Variants in GMDS observed in about 807,000 individuals in gnomAD.
The protein encoded by GMDS is GDP-mannose 4,6-dehydratase.
A neutral mutation model predicts 49.9 loss-of-function variants in GMDS; 20 were observed. That is an observed-to-expected ratio of 0.40 (90% confidence interval 0.28 to 0.58). The LOEUF is 0.58. Ranked by LOEUF, GMDS falls within the 20% of genes least tolerant of loss-of-function variation. GMDS has a pLI of 0.42. For synonymous variants in GMDS, 177 were observed against 178.6 expected, an observed-to-expected ratio of 0.99 and a Z score of 0.07; for missense variants, 362 against 481.4, an observed-to-expected ratio of 0.75 and a Z score of 2.32.
intron 6 of GMDS, among the ~76,000 whole-genome samples, chr6:1,958,094 C>T (rs1451739785): frequency 6.7e-6 from 1 of 149,196 alleles, no homozygotes; most frequent in Non-Finnish European, 1.5e-5. Flanking sequence ...ATGTGGGGCA[C>T]TGTGCCTGGC....
intron 9 of GMDS, among the ~76,000 whole-genome samples, chr6:1,688,585 C>T (rs1447184505): frequency 6.6e-6 from 1 of 152,254 alleles, no homozygotes; most frequent in Non-Finnish European, 1.5e-5. Flanking sequence ...AGTCACAAAT[C>T]CACTGCAGCT....
chr6:1,936,627 A>T (rs916875598), intron 6 of GMDS, among the ~76,000 whole-genome samples: 8 of 152,024 alleles, frequency 5.3e-5, no homozygotes, highest in African/African-American at 1.2e-4. Flanking sequence ...CCACACCACA[A>T]CGTTTAGGTC....
At chr6:2,138,155 TACA>T (rs948311819) in intron 1 of GMDS, among the ~76,000 whole-genome samples, 6 of 152,202 alleles carry the variant, frequency 3.9e-5, no homozygotes, top group South Asian at 2.1e-4. Flanking sequence ...CAAAAAAAAT[TACA>T]ACATTTATTT....
chr6:2,192,763 C>G (rs543990526), intron 1 of GMDS, among the ~76,000 whole-genome samples: 19 of 152,320 alleles, frequency 1.2e-4, no homozygotes, highest in African/African-American at 4.6e-4. Context: ...CGCACTCACT[C>G]ACACACGTCT....
At chr6:1,927,093 A>G (rs1762046907) in intron 7 of GMDS, among the ~76,000 whole-genome samples, 1 of 151,052 alleles carries the variant, frequency 6.6e-6, no homozygotes, top group East Asian at 2.0e-4. Context: ...GTGTATTTTT[A>G]TTCAGAGGGT....
intron 9 of GMDS, among the ~76,000 whole-genome samples, chr6:1,703,026 A>T (rs1242710572): frequency 2.6e-5 from 4 of 152,168 alleles, no homozygotes; most frequent in African/African-American, 9.7e-5. Flanking sequence ...TGAACAAAAC[A>T]CACGCCCTGA....
intron 7 of GMDS, among the ~76,000 whole-genome samples, chr6:1,799,302 C>T (rs541005414): frequency 2.6e-5 from 4 of 152,146 alleles, no homozygotes; most frequent in Non-Finnish European, 5.9e-5. Flanking sequence ...TTTAAAACAT[C>T]CAATTTATTA....
At chr6:1,737,735 C>CACACAT (rs375401421) in intron 8 of GMDS, among the ~76,000 whole-genome samples, 2 of 136,980 alleles carry the variant, frequency 1.5e-5, no homozygotes, top group African/African-American at 2.5e-5. Context: ...CAAACACACA[C>CACACAT]ACACATACAC....
chr6:1,919,737 C>T (rs998045878), intron 7 of GMDS, among the ~76,000 whole-genome samples: 1 of 152,104 alleles, frequency 6.6e-6, no homozygotes, highest in African/African-American at 2.4e-5. Context: ...GAACCAAGTC[C>T]CCAGCCTATA....
chr6:1,909,585 C>T (rs1760945585), intron 7 of GMDS, among the ~76,000 whole-genome samples: 1 of 152,108 alleles, frequency 6.6e-6, no homozygotes, highest in Non-Finnish European at 1.5e-5. Flanking sequence ...TCTCCAAGGA[C>T]AATCTGTATT....
intron 4 of GMDS, among the ~76,000 whole-genome samples, chr6:2,103,166 C>T (rs1187513140): frequency 2.8e-4 from 43 of 152,144 alleles, no homozygotes; most frequent in Admixed American, 2.7e-3. Flanking sequence ...CCACCTTATA[C>T]CCTCGCAAAC....
intron 5 of GMDS, among the ~76,000 whole-genome samples, chr6:1,960,188 T>A (rs1763860841): frequency 6.6e-6 from 1 of 152,208 alleles, no homozygotes; most frequent in Non-Finnish European, 1.5e-5. Context: ...ATGCCAACAG[T>A]GCATTATTTG....
At chr6:1,840,753 ACTGGCATGTGACT>A (rs1487280884) in intron 7 of GMDS, among the ~76,000 whole-genome samples, 2 of 152,162 alleles carry the variant, frequency 1.3e-5, no homozygotes, top group African/African-American at 2.4e-5. Context: ...AGGAGCCAAA[ACTGGCATGTGACT>A]CTGCTAGACT....
chr6:2,072,695 A>G (rs1328317563), intron 4 of GMDS, among the ~76,000 whole-genome samples: 2 of 152,226 alleles, frequency 1.3e-5, no homozygotes, highest in Non-Finnish European at 2.9e-5. Context: ...GCCAAGAACA[A>G]CAGGCATTGC....
At chr6:2,134,329 T>C (rs3800163) in intron 1 of GMDS, among the ~76,000 whole-genome samples, 6,203 of 152,332 alleles carry the variant, frequency 0.041, 257 homozygotes, top group South Asian at 0.13. Flanking sequence ...TATTCAACCA[T>C]ATACTTTTTA....
chr6:2,159,233 G>A (rs895852718), intron 1 of GMDS, among the ~76,000 whole-genome samples: 16 of 152,106 alleles, frequency 1.1e-4, no homozygotes, highest in African/African-American at 3.9e-4. Flanking sequence ...AGGAGACAGA[G>A]GGGTACCGAC....
intron 8 of GMDS, among the ~76,000 whole-genome samples, chr6:1,731,956 T>C (rs900259772): frequency 9.8e-5 from 15 of 152,296 alleles, no homozygotes; most frequent in African/African-American, 3.6e-4. Flanking sequence ...AAGTTAGTGA[T>C]AAGTACACAG....
At chr6:1,804,891 T>C (rs1396515124) in intron 7 of GMDS, among the ~76,000 whole-genome samples, 1 of 152,238 alleles carries the variant, frequency 6.6e-6, no homozygotes, top group Admixed American at 6.5e-5. Flanking sequence ...AAGCTCTCAA[T>C]GGAATGTATT....
chr6:1,742,687 A>G (rs964392001), intron 7 of GMDS, 101 bp from the exon 8 acceptor site: 1 of 662,218 alleles, frequency 1.5e-6, no homozygotes, highest in African/African-American at 1.8e-5. Flanking sequence ...CAGCTGGAAC[A>G]TGAGCATGAA....
Sources: allele counts gnomAD v4.1 joint callset (sites outside exome capture counted in the v4.1 genomes callset), GRCh38; gene constraint gnomAD v4.1.1; transcripts MANE v1.5; gene names NCBI Gene and HGNC (gene_info 2026-07-23, HGNC 2026-07-21).